Variants in KCNJ6 observed in about 807,000 individuals in gnomAD.
The protein encoded by KCNJ6 is potassium inwardly rectifying channel subfamily J member 6.
Under a neutral mutation model 34.2 loss-of-function variants are expected in KCNJ6, and 9 were observed. The observed-to-expected ratio is 0.26, with a 90% CI of 0.16 to 0.46. The LOEUF is 0.46. Ranked by LOEUF, KCNJ6 falls within the 20% of genes least tolerant of loss-of-function variation. The pLI is 1.00. For missense variants in KCNJ6, 236 were observed against 531.3 expected (o/e 0.44, Z 5.46); for synonymous variants, 196 against 207.1 (o/e 0.95, Z 0.46).
intron 2 of KCNJ6, among the ~76,000 whole-genome samples, chr21:37,726,375 T>C (rs925364302): frequency 6.6e-6 from 1 of 152,206 alleles, no homozygotes; most frequent in Admixed American, 6.5e-5. Context: ...TCCAGGAGTG[T>C]AGGGATCTCT....
chr21:37,610,620 A>AAAAAAAAAAAAAAAAAAAAG lies in KCNJ6; in HGVS notation c.*14538_*14539insCTTTTTTTTTTTTTTTTTTT, dbSNP rs34782067. 5 of 149,526 alleles carry AAAAAAAAAAAAAAAAAAAAG rather than the reference A, an allele frequency of 3.3e-5. No individual in the cohort carries two copies. Among genetic ancestry groups the AAAAAAAAAAAAAAAAAAAAG allele is most frequent in the African/African-American group, 1.2e-4 (5 of 40,770 alleles). The allele number at this position is 149,526 out of a possible 1,614,324, so 9.3% of individuals were successfully genotyped here. A position where few individuals can be genotyped will look rare whatever the true frequency, so the allele number is the denominator to read the frequency against. On this transcript the variant is annotated 3_prime_UTR_variant, in exon 4 of 4. Transcript: ENST00000609713. Reference sequence around the variant, plus strand: ...TCTTAAAAAAAAAAAAAAAAAAAAAAGGAATACAAGTCCTACAATGTTTGC... The same window carrying AAAAAAAAAAAAAAAAAAAAG: ...TCTTAAAAAAAAAAAAAAAAAAAAAAAAAAAAAAAAAAAAAAAAAGGGAATACAAGTCCTACAATGTTTGC...
intron 2 of KCNJ6, among the ~76,000 whole-genome samples, chr21:37,788,298 G>C (rs1168143042): frequency 6.6e-6 from 1 of 152,148 alleles, no homozygotes; most frequent in African/African-American, 2.4e-5. Context: ...ATGGAACATG[G>C]AGCTTCTTTT....
chr21:37,821,968 C>T (rs2123554636), intron 2 of KCNJ6, among the ~76,000 whole-genome samples: 1 of 152,288 alleles, frequency 6.6e-6, no homozygotes, highest in South Asian at 2.1e-4. Flanking sequence ...AGAGACATGA[C>T]TGCATATCTG....
At chr21:37,875,931 C>CAA (rs1377574948) in intron 1 of KCNJ6, among the ~76,000 whole-genome samples, 1 of 152,162 alleles carries the variant, frequency 6.6e-6, no homozygotes, top group Non-Finnish European at 1.5e-5. Flanking sequence ...TAAAGATCTG[C>CAA]AAGTTTTGAC....
At chr21:37,812,225 C>T (rs2055326569) in intron 2 of KCNJ6, among the ~76,000 whole-genome samples, 1 of 152,152 alleles carries the variant, frequency 6.6e-6, no homozygotes. Context: ...TGGCTAAAAT[C>T]ACTCCCTTGG....
rs780832753 is a variant in KCNJ6, at chr21:37,662,953, AG to A, written c.947-37470del. Among the ~76,000 whole-genome samples the A allele has an allele frequency of 5.3e-5, 8 of 152,142 alleles. No individual in the cohort carries two copies. In the South Asian group the frequency reaches 1.7e-3, roughly 32 times the overall value. On this transcript the variant is annotated intron_variant, in intron 3 of 3. Coordinates refer to ENST00000609713, the MANE Select transcript of KCNJ6 (RefSeq NM_002240.5). ...CATGTCCTTTGCCCACTTTTTAATGAGGTGGTTTGTTTTTGATAAGATTTTT... is the reference window on the plus strand; with the variant it reads ...CATGTCCTTTGCCCACTTTTTAATGAGTGGTTTGTTTTTGATAAGATTTTT...
intron 2 of KCNJ6, among the ~76,000 whole-genome samples, chr21:37,783,045 A>T (rs1363431064): frequency 6.6e-6 from 1 of 152,216 alleles, no homozygotes; most frequent in East Asian, 1.9e-4. Context: ...TGCCCAAAAG[A>T]CTGTCAAGCT....
Position 37,881,578 on chromosome 21 carries a change from C to T in KCNJ6, c.-28+34306G>A, listed in dbSNP as rs578051734. 2.3e-3 allele frequency among the ~76,000 whole-genome samples: 348 copies of T among 152,190 alleles called. 1 individual carries two copies. Among genetic ancestry groups the T allele is most frequent in the Non-Finnish European group, 3.7e-3 (252 of 67,988 alleles). ...TTGCTCATGCTGGAGTTCAGTGGCA[C>T]GATCACAGCTCACTATAATCTCCAA... On this transcript the variant is annotated intron_variant, in intron 1 of 3. Coordinates refer to ENST00000609713, the MANE Select transcript of KCNJ6 (RefSeq NM_002240.5).
In KCNJ6 at chr21:37,812,809, T is replaced by C. The variant is rs143086017; in HGVS notation, c.25+27849A>G. On this transcript the variant is annotated intron_variant, in intron 2 of 3. Transcript: ENST00000609713. ...TATAATAAAACCACAGCTAGTATCA[T>C]ACTGAATGAAGAAAAACTGAAAGCC... Among the ~76,000 whole-genome samples the C allele has an allele frequency of 4.7e-3, 723 of 152,280 alleles. 1 individual carries two copies. Among genetic ancestry groups the C allele is most frequent in the African/African-American group, 0.015 (643 of 41,540 alleles).
At chr21:37,671,620 G>A (rs751075980) in intron 3 of KCNJ6, among the ~76,000 whole-genome samples, 8 of 152,232 alleles carry the variant, frequency 5.3e-5, no homozygotes, top group African/African-American at 1.2e-4. Flanking sequence ...CTGTGCTTGC[G>A]ACTGGCATCT....
At chr21:37,815,301 T>A (rs2055341539) in intron 2 of KCNJ6, among the ~76,000 whole-genome samples, 1 of 152,194 alleles carries the variant, frequency 6.6e-6, no homozygotes, top group African/African-American at 2.4e-5. Flanking sequence ...GGATAAATGC[T>A]TGAGAGGATG....
intron 2 of KCNJ6, among the ~76,000 whole-genome samples, chr21:37,818,055 T>C (rs2055354961): frequency 6.6e-6 from 1 of 152,230 alleles, no homozygotes; most frequent in Non-Finnish European, 1.5e-5. Context: ...CAAACCACAA[T>C]TCAAACACTA....
intron 3 of KCNJ6, among the ~76,000 whole-genome samples, chr21:37,704,916 A>T (rs2054711720): frequency 6.6e-6 from 1 of 151,868 alleles, no homozygotes; most frequent in Non-Finnish European, 1.5e-5. Context: ...TATACTTGGC[A>T]CGGCACCAGG....
intron 2 of KCNJ6, among the ~76,000 whole-genome samples, chr21:37,762,239 T>A (rs1305650520): frequency 6.6e-6 from 1 of 152,102 alleles, no homozygotes. Flanking sequence ...TGTTTGGGTG[T>A]CCCCGCACTT....
chr21:37,627,706 C>T (rs1455763580), intron 3 of KCNJ6, among the ~76,000 whole-genome samples: 1 of 152,204 alleles, frequency 6.6e-6, no homozygotes, highest in East Asian at 1.9e-4. Context: ...AGACCACATG[C>T]ATGTGTAAGG....
chr21:37,631,265 G>C (rs1413156699), intron 3 of KCNJ6, among the ~76,000 whole-genome samples: 1 of 152,110 alleles, frequency 6.6e-6, no homozygotes, highest in Admixed American at 6.5e-5. Context: ...TGTCTGAAAT[G>C]TATTATTAAT....
chr21:37,872,522 A>G (rs909389157), intron 1 of KCNJ6, among the ~76,000 whole-genome samples: 5 of 152,212 alleles, frequency 3.3e-5, no homozygotes, highest in Non-Finnish European at 5.9e-5. Flanking sequence ...TCATGGCTTA[A>G]TAACACTCAT....
chr21:37,671,910 C>T (rs1383395631), intron 3 of KCNJ6, among the ~76,000 whole-genome samples: 1 of 151,992 alleles, frequency 6.6e-6, no homozygotes, highest in Non-Finnish European at 1.5e-5. Flanking sequence ...TGATCTTGTA[C>T]TCTACAACTT....
At chr21:37,692,621 TG>T (rs1253564651) in intron 3 of KCNJ6, among the ~76,000 whole-genome samples, 1 of 152,198 alleles carries the variant, frequency 6.6e-6, no homozygotes, top group African/African-American at 2.4e-5. Flanking sequence ...GCCCAATGGT[TG>T]GGGCCTTCCT....
Sources: gnomAD v4.1 joint callset for allele counts (sites outside exome capture counted in the v4.1 genomes callset) on GRCh38, gnomAD v4.1.1 for gene constraint, MANE v1.5 for transcripts, NCBI Gene and HGNC (gene_info 2026-07-23, HGNC 2026-07-21) for gene names.